TXNDC8: variants seen among roughly 807,000 people sequenced by gnomAD.
TXNDC8 encodes thioredoxin domain containing 8.
Under a neutral mutation model 12.9 loss-of-function variants are expected in TXNDC8, and 15 were observed. That is an observed-to-expected ratio of 1.16 (90% CI 0.78 to 1.79). TXNDC8 has a LOEUF of 1.79. Among genes scored for constraint, TXNDC8 ranks in the 40% most tolerant of loss-of-function variants. The probability of loss-of-function intolerance (pLI) is 0.00; values close to 1 mark genes in which losing one functional copy is unlikely to be tolerated. For missense variants in TXNDC8, 128 were observed against 113.2 expected (o/e 1.13, Z -0.59); for synonymous variants, 40 against 35.4 (o/e 1.13, Z -0.46).
At chr9:110,336,980 G>A (rs1001804876) in intron 1 of TXNDC8, among the ~76,000 whole-genome samples, 1 of 152,142 alleles carries the variant, frequency 6.6e-6, no homozygotes, top group Admixed American at 6.6e-5. Context: ...AACAATAAGT[G>A]TCAAAAGCAT....
chr9:110,305,843 TTTC>T (rs1838449257), intron 3 of TXNDC8, among the ~76,000 whole-genome samples: 1 of 138,302 alleles, frequency 7.2e-6, no homozygotes, highest in Non-Finnish European at 1.6e-5. Context: ...TTTCCTTTCT[TTTC>T]TTTTCTTTCT....
At chr9:110,318,759 G>A (rs569148351) in intron 3 of TXNDC8, among the ~76,000 whole-genome samples, 2 of 151,688 alleles carry the variant, frequency 1.3e-5, no homozygotes, top group South Asian at 4.2e-4. Context: ...AATTTTAAGG[G>A]GTAGCTGCCA....
intron 4 of TXNDC8, among the ~76,000 whole-genome samples, chr9:110,303,906 C>T (rs1838330018): frequency 6.6e-6 from 1 of 152,150 alleles, no homozygotes; most frequent in Non-Finnish European, 1.5e-5. Context: ...AGCTCTTATA[C>T]ATTGGTATCG....
At chr9:110,305,055 C>A (rs1564092360) in intron 3 of TXNDC8, among the ~76,000 whole-genome samples, 1 of 143,568 alleles carries the variant, frequency 7.0e-6, no homozygotes, top group South Asian at 2.2e-4. Context: ...GGCGGAGGCA[C>A]GAGAATCACT....
chr9:110,316,252 A>G (rs568663714), intron 3 of TXNDC8, among the ~76,000 whole-genome samples: 1 of 152,242 alleles, frequency 6.6e-6, no homozygotes, highest in East Asian at 1.9e-4. Flanking sequence ...ATGATATTAT[A>G]TTCTCTTTTT....
chr9:110,304,580 G>A (rs768060094), intron 3 of TXNDC8, 48 bp from the exon 5 acceptor site: 2 of 1,549,784 alleles, frequency 1.3e-6, no homozygotes, highest in Non-Finnish European at 1.8e-6. Context: ...TGCCTGGTTT[G>A]TAACCATCTC....
intron 3 of TXNDC8, among the ~76,000 whole-genome samples, chr9:110,314,851 A>G (rs549871755): frequency 6.6e-6 from 1 of 152,340 alleles, no homozygotes; most frequent in Non-Finnish European, 1.5e-5. Context: ...ACTCTGAAAT[A>G]TTAAGGGAGC....
At chr9:110,314,610 T>G (rs1838814709) in intron 3 of TXNDC8, among the ~76,000 whole-genome samples, 1 of 151,904 alleles carries the variant, frequency 6.6e-6, no homozygotes, top group African/African-American at 2.4e-5. Context: ...TTTTTTGTAT[T>G]TTTAGTAGAG....
At chr9:110,329,367 T>G in intron 2 of TXNDC8, 76 bp from the exon 3 acceptor site, 1 of 1,181,686 alleles carries the variant, frequency 8.5e-7, no homozygotes, top group South Asian at 1.3e-5. Flanking sequence ...GTCTTTTCAG[T>G]AGAAAAGAAA....
chr9:110,302,560 C>G (rs1206384786), downstream of TXNDC8, among the ~76,000 whole-genome samples: 1 of 152,106 alleles, frequency 6.6e-6, no homozygotes, highest in East Asian at 1.9e-4. Flanking sequence ...TCTGGTGCAG[C>G]CTCAGCATAG....
At chr9:110,326,301 A>G in intron 2 of TXNDC8, 61 bp from the exon 4 acceptor site, 4 of 1,574,052 alleles carry the variant, frequency 2.5e-6, no homozygotes, top group Non-Finnish European at 3.5e-6. Flanking sequence ...TGTACCAAGC[A>G]TGTTATTTGG....
chr9:110,305,759 CTTCCCTTTCTTTTCT>C (rs1587947802), intron 3 of TXNDC8, among the ~76,000 whole-genome samples: 6 of 130,440 alleles, frequency 4.6e-5, no homozygotes, highest in South Asian at 2.9e-4. Context: ...CTTCCCTTCC[CTTCCCTTTCTTTTCT>C]TTTCTTTTCT....
At chr9:110,307,800 C>T (rs570592011) in intron 3 of TXNDC8, among the ~76,000 whole-genome samples, 20 of 152,316 alleles carry the variant, frequency 1.3e-4, no homozygotes, top group African/African-American at 4.3e-4. Context: ...TCAAGTTGTC[C>T]TGCCTTTCCG....
chr9:110,318,552 C>T (rs937628325), intron 3 of TXNDC8, among the ~76,000 whole-genome samples: 6 of 152,132 alleles, frequency 3.9e-5, no homozygotes, highest in African/African-American at 7.2e-5. Context: ...CTGCCTAACA[C>T]GATGAAACCC....
intron 2 of TXNDC8, among the ~76,000 whole-genome samples, chr9:110,329,941 G>T (rs1420582682): frequency 1.3e-5 from 2 of 152,190 alleles, no homozygotes; most frequent in African/African-American, 2.4e-5. Context: ...GAGGGAAGAA[G>T]TAACTCCCTC....
chr9:110,334,230 A>G lies in TXNDC8; in HGVS notation c.115T>C (p.Phe39Leu). The change falls in exon 2 of 5, where the codon TTT (phenylalanine) becomes CTT (leucine). Residue 39 changes from phenylalanine to leucine, a missense_variant. Phe to Leu is a conservative substitution (Grantham distance 22, BLOSUM62 0). Coordinates refer to ENST00000423740, the MANE Select transcript of TXNDC8 (RefSeq NM_001286946.2). ...GTTGTACTCACATGGAAAACAGGAA[A>G]CATCCTTTTGCAGGGACCACACCGT... is the stretch of plus-strand genomic sequence containing the variant. 1 of 1,612,190 alleles carries G rather than the reference A, an allele frequency of 6.2e-7. No homozygotes were observed. Among genetic ancestry groups the G allele is most frequent in the Non-Finnish European group, 8.5e-7 (1 of 1,178,370 alleles).
Position 110,303,663 on chromosome 9 carries a change from C to A in TXNDC8, c.*19G>T. 6.2e-7 allele frequency: 1 copy of A among 1,600,788 alleles called. No homozygotes were observed. On this transcript the variant is annotated 3_prime_UTR_variant, in exon 5 of 5. Transcript: ENST00000423740. ...GTTGAGGCTTTAAGGAATTTTATTC[C>A]TGATTGAAAAGTTAAATCCTACTCA...
At position 110,304,521 on chromosome 9, in the gene TXNDC8, G is replaced by T. The variant is rs1300320069; in HGVS notation, c.207C>A (p.Phe69Leu). ...AGCAAATTATTCTTTTGATTCTTGA[G>T]AATAGGGTTACCTAAGTGTGGGTGC... The change falls in exon 4 of 5, where the codon TTC becomes TTA. Residue 69 changes from phenylalanine (F) to leucine (L), a missense_variant. Physicochemically the swap from Phe to Leu is conservative, Grantham distance 22 (BLOSUM62 0). Transcript: ENST00000423740. The T allele has an allele frequency of 6.2e-7, 1 of 1,608,806 alleles. No homozygotes were observed. Among genetic ancestry groups the T allele is most frequent in the South Asian group, 1.1e-5 (1 of 90,246 alleles).
At chr9:110,330,022 G>C (rs1273720951) in intron 2 of TXNDC8, among the ~76,000 whole-genome samples, 1 of 152,182 alleles carries the variant, frequency 6.6e-6, no homozygotes, top group Non-Finnish European at 1.5e-5. Context: ...GGGTCTAGGG[G>C]AAGAGGAAGT....
Sources: gnomAD v4.1 joint callset for allele counts (sites outside exome capture counted in the v4.1 genomes callset) on GRCh38, gnomAD v4.1.1 for gene constraint, MANE v1.5 for transcripts, NCBI Gene and HGNC (gene_info 2026-07-23, HGNC 2026-07-21) for gene names.